The following BMAL1 variants were observed in gnomAD, a reference collection of about 807,000 sequenced individuals.
The protein encoded by BMAL1 is basic helix-loop-helix ARNT-like protein 1.
the BMAL1 span, among the ~76,000 whole-genome samples, chr11:13,313,839 G>A: frequency 6.6e-5 from 10 of 152,050 alleles, no homozygotes; most frequent in African/African-American, 2.4e-4. Flanking sequence ...CTTCAGCGGG[G>A]CCTGCAGTCT....
the BMAL1 span, chr11:13,369,542 T>C: frequency 6.4e-7 from 1 of 1,557,100 alleles, no homozygotes. Flanking sequence ...AGAAAAGGCT[T>C]TGCTCAAGGT....
At chr11:13,292,143 T>C in the BMAL1 span, among the ~76,000 whole-genome samples, 7 of 152,232 alleles carry the variant, frequency 4.6e-5, no homozygotes, top group African/African-American at 1.7e-4. Flanking sequence ...TTCTCAGTTT[T>C]TTCTGTGACC....
At chr11:13,284,164 G>GTA in the BMAL1 span, among the ~76,000 whole-genome samples, 32 of 33,806 alleles carry the variant, frequency 9.5e-4, 3 homozygotes, top group East Asian at 0.031. Flanking sequence ...ATATATGTGT[G>GTA]TATATATATA....
the BMAL1 span, among the ~76,000 whole-genome samples, chr11:13,298,294 T>C: frequency 4.9e-4 from 74 of 152,256 alleles, no homozygotes; most frequent in African/African-American, 1.7e-3. Flanking sequence ...CTGTTTAAGC[T>C]CTCCCTACTG....
the BMAL1 span, among the ~76,000 whole-genome samples, chr11:13,340,526 C>T: frequency 1.3e-5 from 2 of 152,290 alleles, no homozygotes; most frequent in Admixed American, 1.3e-4. Flanking sequence ...AAACTCTATT[C>T]ACTTTTCAGA....
the BMAL1 span, among the ~76,000 whole-genome samples, chr11:13,386,104 A>G: frequency 1.3e-5 from 2 of 152,220 alleles, no homozygotes; most frequent in African/African-American, 4.8e-5. Flanking sequence ...TAGAAGGGTG[A>G]TTAGTAAGCA....
the BMAL1 span, among the ~76,000 whole-genome samples, chr11:13,339,634 G>A: frequency 6.6e-6 from 1 of 152,162 alleles, no homozygotes; most frequent in Admixed American, 6.5e-5. Context: ...GCCCCAGGTC[G>A]CTGGTCCCCT....
chr11:13,292,501 C>T, the BMAL1 span, among the ~76,000 whole-genome samples: 3 of 151,134 alleles, frequency 2.0e-5, no homozygotes, highest in Admixed American at 6.6e-5. Flanking sequence ...GAGCCGAGAT[C>T]GCGCCACTGC....
At chr11:13,297,814 A>G in the BMAL1 span, among the ~76,000 whole-genome samples, 1 of 152,192 alleles carries the variant, frequency 6.6e-6, no homozygotes, top group African/African-American at 2.4e-5. Flanking sequence ...ATTCTGTGAA[A>G]GAGTGCTCAT....
At chr11:13,326,078 C>T in the BMAL1 span, among the ~76,000 whole-genome samples, 1 of 151,884 alleles carries the variant, frequency 6.6e-6, no homozygotes, top group South Asian at 2.1e-4. Context: ...TGGCACACGC[C>T]TGTAGTCCCA....
the BMAL1 span, among the ~76,000 whole-genome samples, chr11:13,316,092 T>C: frequency 7.0e-4 from 107 of 152,314 alleles, 2 homozygotes; most frequent in East Asian, 0.018. Context: ...GGGGCCCCCT[T>C]TGTCTCTCAG....
chr11:13,320,844 T>C, the BMAL1 span, among the ~76,000 whole-genome samples: 1 of 152,114 alleles, frequency 6.6e-6, no homozygotes, highest in Non-Finnish European at 1.5e-5. Context: ...TGTCCAGTAA[T>C]AGGAACTGAT....
At chr11:13,369,505 C>A in the BMAL1 span, 1 of 1,242,282 alleles carries the variant, frequency 8.0e-7, no homozygotes, top group Non-Finnish European at 1.2e-6. Flanking sequence ...TATCTCATGT[C>A]ATCATTATAA....
chr11:13,312,681 C>T, the BMAL1 span, among the ~76,000 whole-genome samples: 1 of 152,208 alleles, frequency 6.6e-6, no homozygotes, highest in Non-Finnish European at 1.5e-5. Flanking sequence ...TTACCTCCAG[C>T]TTTGAGCTCC....
chr11:13,318,196 C>T, the BMAL1 span, among the ~76,000 whole-genome samples: 1 of 152,180 alleles, frequency 6.6e-6, no homozygotes, highest in Non-Finnish European at 1.5e-5. Flanking sequence ...ATAACTAATA[C>T]CCCTTAGATA....
the BMAL1 span, among the ~76,000 whole-genome samples, chr11:13,278,324 C>T: frequency 1.3e-5 from 2 of 152,214 alleles, no homozygotes; most frequent in African/African-American, 4.8e-5. Context: ...ATAGCTCTGC[C>T]CTTGGGGGCA....
chr11:13,295,656 A>G, the BMAL1 span, among the ~76,000 whole-genome samples: 1 of 152,178 alleles, frequency 6.6e-6, no homozygotes, highest in Admixed American at 6.5e-5. Flanking sequence ...TGGTCACTCC[A>G]GTTGCCCATC....
the BMAL1 span, among the ~76,000 whole-genome samples, chr11:13,288,427 T>TC: frequency 3.1e-3 from 207 of 66,006 alleles, no homozygotes; most frequent in African/African-American, 9.4e-3. Context: ...TTTTTTTCTT[T>TC]TTTTTTTTTT....
the BMAL1 span, among the ~76,000 whole-genome samples, chr11:13,297,600 A>G: frequency 2.9e-4 from 44 of 152,216 alleles, 2 homozygotes; most frequent in South Asian, 9.1e-3. Flanking sequence ...TGCCCTTGCC[A>G]TGTGTCCCCA....
Sources: allele counts gnomAD v4.1 joint callset (sites outside exome capture counted in the v4.1 genomes callset), GRCh38; gene constraint gnomAD v4.1.1; transcripts MANE v1.5; gene names NCBI Gene and HGNC (gene_info 2026-07-23, HGNC 2026-07-21).